COX4I1: variants seen among roughly 807,000 people sequenced by gnomAD.
COX4I1 encodes the protein cytochrome c oxidase subunit 4 isoform 1, mitochondrial.
Under a neutral mutation model 21.7 loss-of-function variants are expected in COX4I1, and 18 were observed. The observed-to-expected ratio is 0.83, with a 90% CI of 0.57 to 1.23. The LOEUF is 1.23. COX4I1 is among the 50% of genes most tolerant of loss of function. COX4I1 has a pLI of 0.00. For synonymous variants in COX4I1, 100 were observed against 81.5 expected, an observed-to-expected ratio of 1.23 and a Z score of -1.23; for missense variants, 238 against 220.7, an observed-to-expected ratio of 1.08 and a Z score of -0.50.
At chr16:85,801,378 G>A (rs563891758) in intron 2 of COX4I1, 100 bp downstream of exon 2, 4 of 933,480 alleles carry the variant, frequency 4.3e-6, no homozygotes, top group East Asian at 2.4e-5. Context: ...ACCTTAATTC[G>A]GCTCTTGAGG....
At chr16:85,802,145 C>T (rs983196492) in intron 2 of COX4I1, among the ~76,000 whole-genome samples, 1 of 152,196 alleles carries the variant, frequency 6.6e-6, no homozygotes, top group Non-Finnish European at 1.5e-5. Flanking sequence ...AACCACCCAT[C>T]CCCACTTGCT....
Position 85,807,052 on chromosome 16 carries a change from CAA to C in COX4I1, c.*179_*180del. ...ATACCTAAATGAAAGCTAATTAAAA[CAA>C]TAGGTTTCTCCCAAGGGTCTGGAGT... On this transcript the variant is annotated 3_prime_UTR_variant, in exon 5 of 5. Coordinates refer to ENST00000253452, the MANE Select transcript of COX4I1 (RefSeq NM_001861.6). 1 of 658,804 alleles carries C rather than the reference CAA, an allele frequency of 1.5e-6. No individual in the cohort carries two copies. The highest frequency in any genetic ancestry group is 2.8e-5 in the East Asian group (1 of 35,188). The allele number at this position is 658,804 out of a possible 1,614,324, so 40.8% of individuals were successfully genotyped here.
At chr16:85,800,847 C>CTTCA (rs1310746460) in intron 1 of COX4I1, among the ~76,000 whole-genome samples, 1 of 152,192 alleles carries the variant, frequency 6.6e-6, no homozygotes, top group Non-Finnish European at 1.5e-5. Flanking sequence ...TGGTCTTGAA[C>CTTCA]CCCTGACCTC....
In COX4I1 at chr16:85,806,958, C is replaced by G. The variant is rs1332125512; in HGVS notation, c.*84C>G. On this transcript the variant is annotated 3_prime_UTR_variant, in exon 5 of 5. Coordinates refer to ENST00000253452, the MANE Select transcript of COX4I1 (RefSeq NM_001861.6). ...GCCTATTTACTGGAAACCTGTTATGCCAAACAGTTGTACCACTGCTAATAA... is the reference window on the plus strand; with the variant it reads ...GCCTATTTACTGGAAACCTGTTATGGCAAACAGTTGTACCACTGCTAATAA... The G allele has an allele frequency of 6.9e-7, 1 of 1,458,864 alleles. No individual in the cohort carries two copies. Among genetic ancestry groups the G allele is most frequent in the African/African-American group, 1.4e-5 (1 of 71,656 alleles). 90.4% of individuals were successfully genotyped at this position (1,458,864 alleles called of 1,614,324 possible). A position where few individuals can be genotyped will look rare whatever the true frequency, so the allele number is the denominator to read the frequency against.
At chr16:85,801,971 C>G (rs1004578977) in intron 2 of COX4I1, among the ~76,000 whole-genome samples, 4 of 152,046 alleles carry the variant, frequency 2.6e-5, no homozygotes, top group African/African-American at 9.7e-5. Flanking sequence ...TGGGTAGAAG[C>G]ATTTAGCCCG....
intron 2 of COX4I1, among the ~76,000 whole-genome samples, chr16:85,801,676 G>T (rs1361952612): frequency 5.3e-5 from 8 of 152,074 alleles, no homozygotes; most frequent in Non-Finnish European, 8.8e-5. Context: ...AAAGAGCCTG[G>T]ACTTCCTAGC....
At chr16:85,804,897 T>C (rs2599090) in intron 2 of COX4I1, 40 bp from the exon 3 acceptor site, 1,562,878 of 1,570,342 alleles carry the variant, frequency 1, 778,007 homozygotes, top group East Asian at 1. Flanking sequence ...GACTCTCAAC[T>C]TACATGGATT....
At chr16:85,805,566 CGT>C (rs1906124543) in intron 3 of COX4I1, 165 bp from the exon 4 acceptor site, 2 of 923,656 alleles carry the variant, frequency 2.2e-6, no homozygotes, top group African/African-American at 1.7e-5. Context: ...TGCGTGGGCA[CGT>C]GTGTGCACGT....
intron 1 of COX4I1, 46 bp from the exon 2 acceptor site, chr16:85,801,159 C>T (rs1239169208): frequency 1.3e-6 from 2 of 1,498,876 alleles, no homozygotes; most frequent in East Asian, 2.3e-5. Flanking sequence ...TAATTCCTTG[C>T]TGTTTGTCCT....
At position 85,801,294 on chromosome 16, in the gene COX4I1, C is replaced by T; in HGVS notation, c.73+16C>T. The stretch of plus-strand genomic sequence containing the variant: ...CGAGCTCATGGTAAGTGTGACTTTT[C>T]TTACTTTTAAATAGGCTGAACTAAT... On this transcript the variant is annotated intron_variant, in intron 2 of 4. Coordinates refer to ENST00000253452, the MANE Select transcript of COX4I1 (RefSeq NM_001861.6). The T allele has an allele frequency of 2.5e-6, 4 of 1,600,368 alleles. No individual in the cohort carries two copies. Among genetic ancestry groups the T allele is most frequent in the Non-Finnish European group, 3.4e-6 (4 of 1,168,510 alleles).
At position 85,805,857 on chromosome 16, in the gene COX4I1, G is replaced by T; in HGVS notation, c.366G>T (p.Lys122Asn). 1 of 1,614,228 alleles carries T rather than the reference G, an allele frequency of 6.2e-7. No individual in the cohort carries two copies. Residue 122 changes from lysine to asparagine, a missense_variant, in exon 4 of 5, where the codon AAG becomes AAT. Coordinates refer to ENST00000253452, the MANE Select transcript of COX4I1 (RefSeq NM_001861.6). ...GFTALVIMWQ[K>N]HYVYGPLPQS... ...CCGCGCTCGTTATCATGTGGCAGAA[G>T]CACTATGGTGAGTAGAGAGGGAGGA...
At position 85,807,011 on chromosome 16, in the gene COX4I1, G is replaced by T; in HGVS notation, c.*137G>T. 1 of 879,664 alleles carries T rather than the reference G, an allele frequency of 1.1e-6. No individual in the cohort carries two copies. The highest frequency in any genetic ancestry group is 1.7e-6 in the Non-Finnish European group (1 of 582,432). The allele number at this position is 879,664 out of a possible 1,614,324, so 54.5% of individuals were successfully genotyped here. ...GACCAGTTTACCTGAAACCCTTTGT[G>T]ATCAGTTCTTTAATGATACCTAAAT... On this transcript the variant is annotated 3_prime_UTR_variant, in exon 5 of 5. Coordinates refer to ENST00000253452, the MANE Select transcript of COX4I1 (RefSeq NM_001861.6).
Position 85,805,073 on chromosome 16 carries a change from G to A in COX4I1, c.210G>A (p.Trp70Ter), listed in dbSNP as rs1048702246. The change falls in exon 3 of 5, where the codon TGG becomes TGA. Residue 70 changes from tryptophan to a stop codon, truncating the protein, a stop_gained. Transcript: ENST00000253452. LOFTEE classifies it high-confidence loss of function. ...TGAAGGAGAAGGAGAAGGCCTCCTGGAGCAGCCTCTCCATGGATGAGAAAG... is the reference window on the plus strand; with the variant it reads ...TGAAGGAGAAGGAGAAGGCCTCCTGAAGCAGCCTCTCCATGGATGAGAAAG... Reference protein sequence around the residue: ...KALKEKEKASWSSLSMDEKVE... With the variant: ...KALKEKEKAS 1.2e-6 allele frequency: 2 copies of A among 1,613,742 alleles called. No homozygotes were observed. Among genetic ancestry groups the A allele is most frequent in the Non-Finnish European group, 1.7e-6 (2 of 1,179,896 alleles).
At position 85,806,886 on chromosome 16, in the gene COX4I1, C is replaced by G; in HGVS notation, c.*12C>G. ...AGTGGAAGAAGTGAGAGATGCTGGC[C>G]TGCGCCTGCACCTGCGCCTGGCTCT... On this transcript the variant is annotated 3_prime_UTR_variant, in exon 5 of 5. Coordinates refer to ENST00000253452, the MANE Select transcript of COX4I1 (RefSeq NM_001861.6). The G allele has an allele frequency of 1.2e-6, 2 of 1,608,994 alleles. No individual in the cohort carries two copies. The highest frequency in any genetic ancestry group is 1.7e-6 in the Non-Finnish European group (2 of 1,177,010).
chr16:85,806,839 A>G lies in COX4I1; in HGVS notation c.475A>G (p.Lys159Glu). 1 of 1,614,156 alleles carries G rather than the reference A, an allele frequency of 6.2e-7. No homozygotes were observed. Among genetic ancestry groups the G allele is most frequent in the Non-Finnish European group, 8.5e-7 (1 of 1,179,994 alleles). ...GAACCCCATCCAGGGCTTAGCCTCCAAGTGGGACTACGAAAAGAACGAGTG... is the reference window on the plus strand; with the variant it reads ...GAACCCCATCCAGGGCTTAGCCTCCGAGTGGGACTACGAAAAGAACGAGTG... ...KVNPIQGLAS[K>E]WDYEKNEWKK The change falls in exon 5 of 5, where the codon AAG (lysine) becomes GAG (glutamate). Residue 159 changes from lysine to glutamate, a missense_variant. Lys to Glu is a moderately conservative substitution (Grantham distance 56, BLOSUM62 1). Coordinates refer to ENST00000253452, the MANE Select transcript of COX4I1 (RefSeq NM_001861.6).
chr16:85,802,745 C>A (rs1905870313), intron 2 of COX4I1, among the ~76,000 whole-genome samples: 1 of 152,164 alleles, frequency 6.6e-6, no homozygotes. Context: ...TTTTCTCTCT[C>A]TCTAAAAGAA....
At chr16:85,800,573 G>A (rs183976364) in intron 1 of COX4I1, among the ~76,000 whole-genome samples, 2 of 152,304 alleles carry the variant, frequency 1.3e-5, no homozygotes, top group African/African-American at 2.4e-5. Flanking sequence ...GCAGCACAGT[G>A]CTTTAATGAT....
chr16:85,801,297 A>G lies in COX4I1; in HGVS notation c.73+19A>G, dbSNP rs746541450. On this transcript the variant is annotated intron_variant, in intron 2 of 4. Coordinates refer to ENST00000253452, the MANE Select transcript of COX4I1 (RefSeq NM_001861.6). ...GCTCATGGTAAGTGTGACTTTTCTT[A>G]CTTTTAAATAGGCTGAACTAATTTC... is the stretch of plus-strand genomic sequence containing the variant. 5.0e-6 allele frequency: 8 copies of G among 1,597,542 alleles called. No homozygotes were observed. In the East Asian group the frequency reaches 1.8e-4, roughly 36 times the overall value.
intron 3 of COX4I1, 154 bp from the exon 4 acceptor site, chr16:85,805,579 A>T: frequency 9.4e-7 from 1 of 1,068,910 alleles, no homozygotes; most frequent in Middle Eastern, 2.1e-4. Context: ...GTGTGCACGT[A>T]CGTGCGTGAA....
Sources: allele counts gnomAD v4.1 joint callset (sites outside exome capture counted in the v4.1 genomes callset), GRCh38; gene constraint gnomAD v4.1.1; transcripts MANE v1.5; gene names NCBI Gene and HGNC (gene_info 2026-07-23, HGNC 2026-07-21).